The following CGNL1 variants were observed in gnomAD, a reference collection of about 807,000 sequenced individuals.
CGNL1 encodes the protein cingulin like 1, also known as cingulin-like protein 1.
Under a neutral mutation model 141.2 loss-of-function variants are expected in CGNL1, and 132 were observed. That is an observed-to-expected ratio of 0.93 (90% CI 0.81 to 1.08). The LOEUF (loss-of-function observed/expected upper bound fraction) is 1.08. Among genes scored for constraint, CGNL1 ranks in the 50% least tolerant of loss-of-function variants. CGNL1 has a pLI of 0.00. For synonymous variants in CGNL1, 690 were observed against 622.1 expected (o/e 1.11, Z -1.63); for missense variants, 1,870 against 1,588.6 (o/e 1.18, Z -3.01).
chr15:57,435,204 A>AT (rs2063091320), intron 1 of CGNL1, among the ~76,000 whole-genome samples: 1 of 152,108 alleles, frequency 6.6e-6, no homozygotes, highest in Admixed American at 6.5e-5. Context: ...ATAGTATATA[A>AT]TTTTTTAGTG....
chr15:57,377,835 G>A (rs1396896512), intron 1 of CGNL1, among the ~76,000 whole-genome samples: 1 of 152,088 alleles, frequency 6.6e-6, no homozygotes, highest in East Asian at 1.9e-4. Context: ...AATGATTTCA[G>A]ATTAAAAGGA....
intron 8 of CGNL1, among the ~76,000 whole-genome samples, chr15:57,476,277 A>G (rs2063656715): frequency 6.6e-6 from 1 of 152,132 alleles, no homozygotes; most frequent in Non-Finnish European, 1.5e-5. Flanking sequence ...GGGAATTAGC[A>G]AGGTGACTTA....
chr15:57,515,259 A>G (rs1375462391), intron 8 of CGNL1, among the ~76,000 whole-genome samples: 1 of 152,056 alleles, frequency 6.6e-6, no homozygotes, highest in African/African-American at 2.4e-5. Context: ...CTTCATTCTA[A>G]CTCAGTTGCT....
chr15:57,468,990 TA>T (rs1213270311), intron 8 of CGNL1, among the ~76,000 whole-genome samples: 6 of 152,234 alleles, frequency 3.9e-5, no homozygotes, highest in African/African-American at 1.4e-4. Flanking sequence ...CGTGGAACTG[TA>T]AGTCCAATTA....
chr15:57,540,621 T>C (rs982038608), intron 14 of CGNL1, among the ~76,000 whole-genome samples: 1 of 152,212 alleles, frequency 6.6e-6, no homozygotes, highest in South Asian at 2.1e-4. Context: ...TTCAGCTTAC[T>C]GTCTGTGTCC....
At chr15:57,435,818 AG>A in intron 1 of CGNL1, among the ~76,000 whole-genome samples, 1 of 152,312 alleles carries the variant, frequency 6.6e-6, no homozygotes, top group Middle Eastern at 3.4e-3. Context: ...ACAGATGGAT[AG>A]ATTTTGAATG....
At chr15:57,454,591 C>G (rs1264918999) in intron 7 of CGNL1, among the ~76,000 whole-genome samples, 1 of 152,190 alleles carries the variant, frequency 6.6e-6, no homozygotes, top group Non-Finnish European at 1.5e-5. Flanking sequence ...ATGAGTGACT[C>G]TGGTCACCCA....
In CGNL1 at chr15:57,439,487, G is replaced by A. The variant is rs2063157116; in HGVS notation, c.1488G>A (p.Glu496=). The A allele has an allele frequency of 6.2e-7, 1 of 1,614,222 alleles. No individual in the cohort carries two copies. The change falls in exon 2 of 19, where the codon GAG becomes GAA. Residue 496 remains glutamate, a synonymous_variant. Transcript: ENST00000281282. Reference sequence around the variant, plus strand: ...GTGCACAGAGTAAAAAGGAGGAGGAGGTGAAAACAGCCACCGCTACGCTGA... The same window carrying A: ...GTGCACAGAGTAAAAAGGAGGAGGAAGTGAAAACAGCCACCGCTACGCTGA... ...SLGAQSKKEE[E]VKTATATLML...
intron 1 of CGNL1, among the ~76,000 whole-genome samples, chr15:57,437,619 C>CAAAAAAAAAAAAAAAAAAAAAAAA (rs540499763): frequency 5.5e-4 from 20 of 36,070 alleles, no homozygotes; most frequent in Non-Finnish European, 7.0e-4. Context: ...AACTAAACAG[C>CAAAAAAAAAAAAAAAAAAAAAAAA]AAAAAAAAAA....
rs544235216 is a variant in CGNL1 at position 57,531,799 on chromosome 15, T to C, written c.3291+20T>C. 2.0e-5 allele frequency: 29 copies of C among 1,423,248 alleles called. No homozygotes were observed. The Middle Eastern group carries it at 5.3e-4, about 26-fold the overall frequency. The allele number at this position is 1,423,248 out of a possible 1,614,324, so 88.2% of individuals were successfully genotyped here. A position where few individuals can be genotyped will look rare whatever the true frequency, so the allele number is the denominator to read the frequency against. ...GAACAGGTACTATTCTATAGGTGAA[T>C]GATGCGTGGATTGTCCTGTGTGAAA... On this transcript the variant is annotated intron_variant, in intron 14 of 18. Transcript: ENST00000281282.
At chr15:57,415,183 G>A (rs1358493631) in intron 1 of CGNL1, among the ~76,000 whole-genome samples, 2 of 152,166 alleles carry the variant, frequency 1.3e-5, no homozygotes, top group African/African-American at 4.8e-5. Context: ...TCTTCCATCT[G>A]CATGATAGGC....
intron 1 of CGNL1, among the ~76,000 whole-genome samples, chr15:57,412,528 G>A (rs73417968): frequency 0.1 from 15,213 of 152,178 alleles, 860 homozygotes; most frequent in Middle Eastern, 0.19. Flanking sequence ...TGGCTGATGC[G>A]GGACTCCTTT....
chr15:57,531,659 A>C, intron 13 of CGNL1, 31 bp from the exon 14 acceptor site: 1 of 1,452,240 alleles, frequency 6.9e-7, no homozygotes, highest in Non-Finnish European at 9.7e-7. Context: ...AGTGCAAGTT[A>C]AGTCAACTGT....
At chr15:57,458,268 T>C (rs1316177665) in intron 7 of CGNL1, among the ~76,000 whole-genome samples, 1 of 152,196 alleles carries the variant, frequency 6.6e-6, no homozygotes, top group African/African-American at 2.4e-5. Flanking sequence ...TACTTACATT[T>C]TGAAGTTTAT....
intron 10 of CGNL1, among the ~76,000 whole-genome samples, chr15:57,522,729 C>T (rs1457399755): frequency 2.0e-5 from 3 of 152,168 alleles, no homozygotes; most frequent in Admixed American, 2.0e-4. Context: ...GTCTGTGTGA[C>T]TTTGTGAGAT....
At chr15:57,530,973 G>T (rs537951672) in intron 13 of CGNL1, among the ~76,000 whole-genome samples, 1 of 152,308 alleles carries the variant, frequency 6.6e-6, no homozygotes, top group South Asian at 2.1e-4. Flanking sequence ...CTGGTGACAG[G>T]AGAAACACGT....
chr15:57,382,074 G>C (rs2062431064), intron 1 of CGNL1, among the ~76,000 whole-genome samples: 1 of 152,134 alleles, frequency 6.6e-6, no homozygotes, highest in African/African-American at 2.4e-5. Flanking sequence ...ATTCAGCGTT[G>C]GGCATTCTAG....
rs201323807 is a variant in CGNL1 at position 57,405,772 on chromosome 15, C to CTCTT, written c.-16+29240_-16+29243dup. On this transcript the variant is annotated intron_variant, in intron 1 of 18. Coordinates refer to ENST00000281282, the MANE Select transcript of CGNL1 (RefSeq NM_032866.5). Reference sequence around the variant, plus strand: ...CCTTTTTCTTTTTCTTTCTTTCTTTCTCTTTCTTTCTTTCTTTCTTTCTTT... The same window carrying CTCTT: ...CCTTTTTCTTTTTCTTTCTTTCTTTCTCTTTCTTTCTTTCTTTCTTTCTTTCTTT... Among the ~76,000 whole-genome samples, 713 of 123,442 alleles carry CTCTT rather than the reference C, an allele frequency of 5.8e-3. 13 individuals carry two copies. Among genetic ancestry groups the CTCTT allele is most frequent in the African/African-American group, 0.022 (654 of 30,070 alleles). The allele number at this position is 123,442 out of a possible 152,430, so 81.0% of individuals were successfully genotyped here. A position where few individuals can be genotyped will look rare whatever the true frequency, so the allele number is the denominator to read the frequency against.
intron 8 of CGNL1, among the ~76,000 whole-genome samples, chr15:57,490,487 G>A (rs187013914): frequency 5.9e-5 from 9 of 152,082 alleles, no homozygotes; most frequent in East Asian, 3.9e-4. Flanking sequence ...AGAAGCTGCC[G>A]GTGGCCAAAG....
Sources: allele counts gnomAD v4.1 joint callset (sites outside exome capture counted in the v4.1 genomes callset), GRCh38; gene constraint gnomAD v4.1.1; transcripts MANE v1.5; gene names NCBI Gene and HGNC (gene_info 2026-07-23, HGNC 2026-07-21).